AMD1: variants seen among roughly 807,000 people sequenced by gnomAD.
AMD1 encodes adenosylmethionine decarboxylase 1.
In AMD1, 11 loss-of-function variants were observed where a neutral mutation model predicts 40.2. The ratio of observed to expected loss-of-function variants is 0.27; its 90% confidence interval spans 0.17 to 0.45. The LOEUF (loss-of-function observed/expected upper bound fraction) is 0.45. Among genes scored for constraint, AMD1 ranks in the 20% least tolerant of loss-of-function variants. The pLI is 1.00. For missense variants in AMD1, 257 were observed against 410.2 expected, an observed-to-expected ratio of 0.63 and a Z score of 3.23; for synonymous variants, 121 against 130.8, an observed-to-expected ratio of 0.93 and a Z score of 0.51.
At chr6:110,858,455 C>T in the AMD1 span, 5 of 1,123,042 alleles carry the variant, frequency 4.5e-6, no homozygotes, top group Non-Finnish European at 6.8e-6. Context: ...GGGCTCAGTC[C>T]TCAAGATCAA....
the AMD1 span, among the ~76,000 whole-genome samples, chr6:110,845,839 A>G: frequency 6.6e-6 from 1 of 152,182 alleles, no homozygotes. Flanking sequence ...TCCTATTCAT[A>G]TATACATTTA....
the AMD1 span, among the ~76,000 whole-genome samples, chr6:110,852,847 A>G: frequency 6.6e-6 from 1 of 152,230 alleles, no homozygotes; most frequent in Admixed American, 6.5e-5. Context: ...TAATTCATTA[A>G]TTAGTTAATT....
At chr6:110,844,359 T>C in the AMD1 span, among the ~76,000 whole-genome samples, 17 of 151,778 alleles carry the variant, frequency 1.1e-4, no homozygotes, top group African/African-American at 4.1e-4. Context: ...GGTTTTGTCA[T>C]GTTGGTCTCG....
the AMD1 span, among the ~76,000 whole-genome samples, chr6:110,847,457 G>A: frequency 4.0e-5 from 6 of 151,376 alleles, no homozygotes; most frequent in African/African-American, 1.5e-4. Context: ...CCCGGGAGAC[G>A]GAGCTTGCAG....
the AMD1 span, among the ~76,000 whole-genome samples, chr6:110,844,347 G>A: frequency 1.3e-5 from 2 of 151,464 alleles, no homozygotes; most frequent in East Asian, 2.0e-4. Flanking sequence ...TAGTAGAGAC[G>A]GGGTTTTGTC....
chr6:110,860,406 T>C, the AMD1 span, among the ~76,000 whole-genome samples: 1 of 152,172 alleles, frequency 6.6e-6, no homozygotes, highest in Admixed American at 6.5e-5. Flanking sequence ...CTTTCTCAAA[T>C]AAGAAGAGTG....
the AMD1 span, chr6:110,848,782 G>A: frequency 4.4e-6 from 1 of 227,016 alleles, no homozygotes; most frequent in Non-Finnish European, 9.0e-6. Flanking sequence ...TGGGAGTATT[G>A]CTTGAAGCCA....
chr6:110,876,511 A>C (rs2056795686), intron 1 of AMD1, among the ~76,000 whole-genome samples: 1 of 152,238 alleles, frequency 6.6e-6, no homozygotes, highest in Non-Finnish European at 1.5e-5. Context: ...GACACGTGCT[A>C]CCGAGACTTT....
the AMD1 span, among the ~76,000 whole-genome samples, chr6:110,840,504 A>C: frequency 0.01 from 1,579 of 152,218 alleles, 29 homozygotes; most frequent in African/African-American, 0.036. Context: ...AAAATATAGG[A>C]TATTCCAAAA....
At chr6:110,891,916 T>C in intron 4 of AMD1, 1 of 516,344 alleles carries the variant, frequency 1.9e-6, no homozygotes, top group Non-Finnish European at 3.5e-6. Flanking sequence ...CTACTTTTTG[T>C]ATTTTTAGTA....
chr6:110,818,358 CATTG>C, the AMD1 span, among the ~76,000 whole-genome samples: 1 of 152,062 alleles, frequency 6.6e-6, no homozygotes, highest in East Asian at 1.9e-4. Context: ...ACAGGAATAA[CATTG>C]ATTAATGAAT....
chr6:110,815,266 C>T, the AMD1 span: 3 of 1,090,866 alleles, frequency 2.8e-6, no homozygotes, highest in Non-Finnish European at 1.2e-6. Flanking sequence ...CGCCGCCCGC[C>T]GCCCGCCGCT....
chr6:110,877,651 A>T (rs2115273932), intron 1 of AMD1, among the ~76,000 whole-genome samples: 1 of 152,384 alleles, frequency 6.6e-6, no homozygotes, highest in Non-Finnish European at 1.5e-5. Context: ...ATAATGGTAC[A>T]TAGCTCATGG....
At position 110,887,575 on chromosome 6, in the gene AMD1, G is replaced by A; in HGVS notation, c.181G>A (p.Glu61Lys). ...AAGTGTGACAAAAACTGACAAGCAGGAAGCTTATGTACTCAGGTAAGTCCT... is the reference window on the plus strand; with the variant it reads ...AAGTGTGACAAAAACTGACAAGCAGAAAGCTTATGTACTCAGGTAAGTCCT... ...IISVTKTDKQ[E>K]AYVLSESSMF... Residue 61 changes from glutamate to lysine, a missense_variant, in exon 2 of 9, where the codon GAA (glutamate) becomes AAA (lysine). This residue lies in a region of AMD1 where 57 missense variants were observed against 76.8 expected (regional missense o/e 0.74). Transcript: ENST00000368885. 1 of 1,607,816 alleles carries A rather than the reference G, an allele frequency of 6.2e-7. No individual in the cohort carries two copies. Among genetic ancestry groups the A allele is most frequent in the Non-Finnish European group, 8.5e-7 (1 of 1,177,626 alleles).
At chr6:110,876,130 G>C (rs1252706703) in intron 1 of AMD1, among the ~76,000 whole-genome samples, 1 of 152,258 alleles carries the variant, frequency 6.6e-6, no homozygotes, top group African/African-American at 2.4e-5. Flanking sequence ...TCACGCGAGA[G>C]ATACTTGGGC....
chr6:110,854,615 A>G, the AMD1 span, among the ~76,000 whole-genome samples: 4 of 151,966 alleles, frequency 2.6e-5, no homozygotes. Flanking sequence ...TGCCCAGCTA[A>G]TTTTTGTATT....
At chr6:110,827,765 CAA>C in the AMD1 span, among the ~76,000 whole-genome samples, 1,772 of 91,160 alleles carry the variant, frequency 0.019, 30 homozygotes, top group African/African-American at 0.066. Context: ...AACTCCATCT[CAA>C]AAAAAAAAAA....
chr6:110,814,617 G>C, the AMD1 span: 2 of 469,462 alleles, frequency 4.3e-6, no homozygotes, highest in African/African-American at 4.0e-5. Context: ...CACAACGACC[G>C]TCACTACCCA....
At chr6:110,815,088 C>T in the AMD1 span, 1 of 1,603,524 alleles carries the variant, frequency 6.2e-7, no homozygotes, top group South Asian at 1.1e-5. Context: ...AACAAATCCT[C>T]CACCCGCTCC....
Sources: allele counts gnomAD v4.1 joint callset (sites outside exome capture counted in the v4.1 genomes callset), GRCh38; gene constraint gnomAD v4.1.1; regional missense constraint gnomAD v4.1.1; transcripts MANE v1.5; gene names NCBI Gene and HGNC (gene_info 2026-07-23, HGNC 2026-07-21).